Variants in LSAMP observed in about 807,000 individuals in gnomAD.
The protein encoded by LSAMP is limbic system associated membrane protein.
A neutral mutation model predicts 38.6 loss-of-function variants in LSAMP; 7 were observed. The observed-to-expected ratio is 0.18, with a 90% CI of 0.10 to 0.34. The LOEUF (loss-of-function observed/expected upper bound fraction) is 0.34, where lower values mean the gene tolerates loss of function less well. LSAMP is among the 10% of genes least tolerant of loss of function. The pLI is 1.00. For synonymous variants in LSAMP, 154 were observed against 166.8 expected (o/e 0.92, Z 0.59); for missense variants, 313 against 420.0 (o/e 0.75, Z 2.23).
intron 3 of LSAMP, among the ~76,000 whole-genome samples, chr3:115,936,747 G>A (rs997449826): frequency 2.0e-5 from 3 of 152,054 alleles, no homozygotes; most frequent in Non-Finnish European, 2.9e-5. Flanking sequence ...TTAGATTAAG[G>A]TCCTGCAATA....
intron 1 of LSAMP, among the ~76,000 whole-genome samples, chr3:116,164,416 G>A (rs371918370): frequency 2.0e-5 from 3 of 150,428 alleles, no homozygotes; most frequent in African/African-American, 7.3e-5. Flanking sequence ...TATTAGGTTG[G>A]TGCAAACATA....
chr3:115,999,563 C>A (rs1939927543), intron 3 of LSAMP, among the ~76,000 whole-genome samples: 1 of 152,128 alleles, frequency 6.6e-6, no homozygotes, highest in South Asian at 2.1e-4. Context: ...AGATTCAAAT[C>A]CCTGAGGCTA....
chr3:116,028,292 GT>G (rs1940840509), intron 2 of LSAMP, among the ~76,000 whole-genome samples: 1 of 152,100 alleles, frequency 6.6e-6, no homozygotes, highest in South Asian at 2.1e-4. Flanking sequence ...ACTAAAGCAT[GT>G]TTTGCTGCAT....
Position 116,444,871 on chromosome 3 carries a change from CCCTA to C in LSAMP, c.155+2_155+5del. ...GCGCAGCAGAAAAGTTGCCCGAAAG[CCCTA>C]CCTGAGGATGGCTGTGTCCCCCTGC... is the stretch of plus-strand genomic sequence containing the variant. On this transcript the variant is annotated splice_donor_variant and splice_donor_5th_base_variant and intron_variant, in intron 1 of 6. Transcript: ENST00000490035. LOFTEE classifies it high-confidence loss of function. 6.2e-7 allele frequency: 1 copy of C among 1,614,016 alleles called. No homozygotes were observed. The highest frequency in any genetic ancestry group is 8.5e-7 in the Non-Finnish European group (1 of 1,180,006).
intron 1 of LSAMP, among the ~76,000 whole-genome samples, chr3:116,139,513 T>C (rs1709325378): frequency 6.6e-6 from 1 of 152,024 alleles, no homozygotes; most frequent in Non-Finnish European, 1.5e-5. Flanking sequence ...CCGTATCTCT[T>C]CATCCCCACA....
intron 1 of LSAMP, among the ~76,000 whole-genome samples, chr3:116,378,614 T>G (rs1178233933): frequency 6.6e-6 from 1 of 152,104 alleles, no homozygotes; most frequent in Non-Finnish European, 1.5e-5. Flanking sequence ...GTCTTGGCAC[T>G]GAAAATGCTG....
intron 1 of LSAMP, among the ~76,000 whole-genome samples, chr3:116,311,001 T>C (rs1276396948): frequency 7.9e-5 from 12 of 151,896 alleles, no homozygotes; most frequent in East Asian, 1.9e-4. Flanking sequence ...TCATACTACG[T>C]AGTTTTATAG....
chr3:116,373,247 A>G (rs1009924512), intron 1 of LSAMP, among the ~76,000 whole-genome samples: 9 of 151,618 alleles, frequency 5.9e-5, no homozygotes, highest in African/African-American at 2.2e-4. Context: ...ACACACACAT[A>G]CACAATGAAA....
chr3:115,897,803 T>C (rs988155029), intron 3 of LSAMP, among the ~76,000 whole-genome samples: 23 of 152,230 alleles, frequency 1.5e-4, no homozygotes, highest in Admixed American at 1.5e-3. Context: ...TTAGAACAGA[T>C]TCAGAAGTGC....
chr3:115,988,484 G>A (rs767907365), intron 3 of LSAMP, among the ~76,000 whole-genome samples: 49 of 152,144 alleles, frequency 3.2e-4, no homozygotes, highest in Middle Eastern at 3.4e-3. Flanking sequence ...TGTTTTAAGA[G>A]AAATATGAGG....
chr3:115,849,988 G>A (rs968831398), intron 4 of LSAMP, among the ~76,000 whole-genome samples: 1 of 152,118 alleles, frequency 6.6e-6, no homozygotes, highest in Non-Finnish European at 1.5e-5. Context: ...TATAAGATCA[G>A]GCACATGCTA....
intron 1 of LSAMP, among the ~76,000 whole-genome samples, chr3:116,248,099 G>A (rs1269826559): frequency 2.6e-5 from 4 of 152,134 alleles, no homozygotes; most frequent in African/African-American, 4.8e-5. Flanking sequence ...AATGTGTTAC[G>A]TACTAGAGAT....
At position 115,804,179 on chromosome 3, in the gene LSAMP, G is replaced by A. The variant is rs1451835767; in HGVS notation, c.*6138C>T. ...AGTTTTGGGTTTAGAAATGAAGACG[G>A]TAGAATGATAGTTCTGAGAAGTGAT... On this transcript the variant is annotated 3_prime_UTR_variant, in exon 7 of 7. Transcript: ENST00000490035. 1 of 152,150 alleles carries A rather than the reference G, an allele frequency of 6.6e-6. No individual in the cohort carries two copies. The highest frequency in any genetic ancestry group is 1.9e-4 in the East Asian group (1 of 5,196). 9.4% of individuals were successfully genotyped at this position (152,150 alleles called of 1,614,324 possible). A position where few individuals can be genotyped will look rare whatever the true frequency, so the allele number is the denominator to read the frequency against.
At chr3:115,865,726 G>A (rs897578402) in intron 3 of LSAMP, among the ~76,000 whole-genome samples, 3 of 152,118 alleles carry the variant, frequency 2.0e-5, no homozygotes, top group African/African-American at 7.2e-5. Context: ...AACCTACCAG[G>A]TGATACTCCA....
intron 1 of LSAMP, among the ~76,000 whole-genome samples, chr3:116,282,253 C>T (rs2047136235): frequency 6.6e-6 from 1 of 152,028 alleles, no homozygotes; most frequent in Non-Finnish European, 1.5e-5. Flanking sequence ...CTTTGATTTC[C>T]CTCAACCCCA....
chr3:115,996,935 C>T (rs946502492), intron 3 of LSAMP, among the ~76,000 whole-genome samples: 2 of 152,028 alleles, frequency 1.3e-5, no homozygotes, highest in Non-Finnish European at 1.5e-5. Flanking sequence ...GTATTGCTGG[C>T]CTTTTCCAAG....
At chr3:116,111,599 T>C (rs1240248388) in intron 1 of LSAMP, among the ~76,000 whole-genome samples, 1 of 150,510 alleles carries the variant, frequency 6.6e-6, no homozygotes, top group East Asian at 1.9e-4. Context: ...CTTAGTAGTC[T>C]TTTTTTCCTT....
intron 1 of LSAMP, among the ~76,000 whole-genome samples, chr3:116,370,710 G>A (rs182689960): frequency 1.6e-4 from 25 of 152,268 alleles, no homozygotes; most frequent in African/African-American, 4.6e-4. Flanking sequence ...GGTGCCATCC[G>A]TGGTTGTTGC....
chr3:115,892,534 T>A (rs1247711575), intron 3 of LSAMP, among the ~76,000 whole-genome samples: 4 of 151,852 alleles, frequency 2.6e-5, no homozygotes, highest in African/African-American at 4.8e-5. Flanking sequence ...CAAAAGCAGG[T>A]AAACAGGGGT....
Sources: allele counts gnomAD v4.1 joint callset (sites outside exome capture counted in the v4.1 genomes callset), GRCh38; gene constraint gnomAD v4.1.1; transcripts MANE v1.5; gene names NCBI Gene and HGNC (gene_info 2026-07-23, HGNC 2026-07-21).